The following DTNBP1 variants were observed in gnomAD, a reference collection of about 807,000 sequenced individuals.
DTNBP1 encodes dysbindin.
Under a neutral mutation model 42.8 loss-of-function variants are expected in DTNBP1, and 35 were observed. The observed-to-expected ratio is 0.82, with a 90% CI of 0.63 to 1.09. The LOEUF is 1.09. Among genes scored for constraint, DTNBP1 ranks in the 50% least tolerant of loss-of-function variants. DTNBP1 has a pLI of 0.00. For synonymous variants in DTNBP1, 171 were observed against 162.2 expected, an observed-to-expected ratio of 1.05 and a Z score of -0.41; for missense variants, 457 against 424.2, an observed-to-expected ratio of 1.08 and a Z score of -0.68.
At chr6:15,594,982 G>A (rs1776450398) in intron 6 of DTNBP1, among the ~76,000 whole-genome samples, 1 of 152,132 alleles carries the variant, frequency 6.6e-6, no homozygotes, top group Non-Finnish European at 1.5e-5. Context: ...ATGAGTGAGT[G>A]TGCAATTGAG....
At chr6:15,599,906 A>G (rs1401391629) in intron 6 of DTNBP1, among the ~76,000 whole-genome samples, 1 of 152,124 alleles carries the variant, frequency 6.6e-6, no homozygotes, top group Admixed American at 6.6e-5. Context: ...CCAATTCCTT[A>G]AAGAGCCATC....
intron 1 of DTNBP1, among the ~76,000 whole-genome samples, chr6:15,655,069 A>G (rs1490816108): frequency 1.3e-5 from 2 of 152,072 alleles, no homozygotes; most frequent in Admixed American, 6.6e-5. Flanking sequence ...TCAGCAATGG[A>G]TATATGTGGT....
intron 6 of DTNBP1, among the ~76,000 whole-genome samples, chr6:15,596,050 C>T (rs1035086361): frequency 7.9e-5 from 12 of 151,954 alleles, no homozygotes; most frequent in African/African-American, 1.5e-4. Context: ...GTTGGGGGCA[C>T]GTGGGGAAGA....
intron 6 of DTNBP1, among the ~76,000 whole-genome samples, chr6:15,608,700 A>G (rs1053522099): frequency 1.3e-5 from 2 of 152,238 alleles, no homozygotes; most frequent in Admixed American, 6.5e-5. Flanking sequence ...CTGCCTGGAA[A>G]TGACTTTATT....
intron 3 of DTNBP1, among the ~76,000 whole-genome samples, chr6:15,638,245 A>G (rs1474897443): frequency 6.6e-6 from 1 of 152,014 alleles, no homozygotes; most frequent in Non-Finnish European, 1.5e-5. Flanking sequence ...CTCCTGTCTC[A>G]GCCTCCCGAG....
At position 15,627,463 on chromosome 6, in the gene DTNBP1, C is replaced by T. The variant is rs774245526; in HGVS notation, c.235G>A (p.Glu79Lys). ...CASAGELVDS[E>K]VVMLSAHWEK... Reference sequence around the variant, plus strand: ...CAGTGCGCAGAAAGCATGACCACCTCGCTATCCACCAGCTGCAGCACACAA... The same window carrying T: ...CAGTGCGCAGAAAGCATGACCACCTTGCTATCCACCAGCTGCAGCACACAA... Residue 79 changes from glutamate to lysine, a missense_variant, in exon 5 of 10, where the codon GAG becomes AAG. Coordinates refer to ENST00000344537, the MANE Select transcript of DTNBP1 (RefSeq NM_032122.5). 21 of 1,613,732 alleles carry T rather than the reference C, an allele frequency of 1.3e-5. No individual in the cohort carries two copies. The highest frequency in any genetic ancestry group is 2.7e-5 in the African/African-American group (2 of 74,882).
At chr6:15,567,923 G>A (rs893155810) in intron 7 of DTNBP1, among the ~76,000 whole-genome samples, 3 of 152,050 alleles carry the variant, frequency 2.0e-5, no homozygotes, top group Non-Finnish European at 4.4e-5. Flanking sequence ...AGTAAAATAG[G>A]AACAAGAACA....
chr6:15,565,943 TAC>T (rs977886260), intron 7 of DTNBP1, among the ~76,000 whole-genome samples: 2 of 152,184 alleles, frequency 1.3e-5, no homozygotes, highest in African/African-American at 2.4e-5. Context: ...AGAGGAGAAA[TAC>T]AGAGTACTCT....
chr6:15,651,676 T>C (rs995767095), intron 2 of DTNBP1, among the ~76,000 whole-genome samples: 3 of 152,176 alleles, frequency 2.0e-5, no homozygotes, highest in African/African-American at 7.2e-5. Context: ...TCACATGCTT[T>C]ACTTTATTAA....
intron 7 of DTNBP1, among the ~76,000 whole-genome samples, chr6:15,537,472 T>G (rs1445976165): frequency 6.6e-6 from 1 of 150,962 alleles, no homozygotes; most frequent in East Asian, 1.9e-4. Flanking sequence ...CTGGAATGAG[T>G]TAAGACTTTG....
At chr6:15,657,950 C>A (rs1234070423) in intron 1 of DTNBP1, among the ~76,000 whole-genome samples, 3 of 152,220 alleles carry the variant, frequency 2.0e-5, no homozygotes, top group Non-Finnish European at 2.9e-5. Flanking sequence ...CTCTTTGAAG[C>A]CTTCTGTAAA....
At chr6:15,542,281 AAC>A (rs1773611762) in intron 7 of DTNBP1, among the ~76,000 whole-genome samples, 1 of 152,246 alleles carries the variant, frequency 6.6e-6, no homozygotes, top group African/African-American at 2.4e-5. Flanking sequence ...AACAATTGCC[AAC>A]AGTCTGTCAA....
intron 7 of DTNBP1, among the ~76,000 whole-genome samples, chr6:15,588,510 T>C (rs1211228564): frequency 6.6e-6 from 1 of 152,184 alleles, no homozygotes; most frequent in Non-Finnish European, 1.5e-5. Flanking sequence ...TTTAAAAGGA[T>C]GACATAAAAA....
intron 1 of DTNBP1, 77 bp from the exon 2 acceptor site, chr6:15,652,217 T>C (rs1761041208): frequency 8.1e-7 from 1 of 1,237,886 alleles, no homozygotes; most frequent in Non-Finnish European, 1.1e-6. Context: ...GGTCTCACTC[T>C]GTCGTCCAGG....
rs773097389 is a variant in DTNBP1, at chr6:15,627,485, A to G, written c.223-10T>C. On this transcript the variant is annotated splice_polypyrimidine_tract_variant and intron_variant, in intron 4 of 9. Transcript: ENST00000344537. Reference sequence around the variant, plus strand: ...CCTCGCTATCCACCAGCTGCAGCACACAAGAAGGGGGGTAAAGTGAAACCA... The same window carrying G: ...CCTCGCTATCCACCAGCTGCAGCACGCAAGAAGGGGGGTAAAGTGAAACCA... 1 of 1,613,778 alleles carries G rather than the reference A, an allele frequency of 6.2e-7. No homozygotes were observed. Among genetic ancestry groups the G allele is most frequent in the South Asian group, 1.1e-5 (1 of 91,084 alleles).
At chr6:15,657,761 A>G (rs978881992) in intron 1 of DTNBP1, among the ~76,000 whole-genome samples, 3 of 152,226 alleles carry the variant, frequency 2.0e-5, no homozygotes, top group Admixed American at 2.0e-4. Context: ...CCACATAGTA[A>G]GCACTCAATA....
chr6:15,526,174 C>G (rs578068742), intron 8 of DTNBP1, among the ~76,000 whole-genome samples: 1 of 152,224 alleles, frequency 6.6e-6, no homozygotes, highest in East Asian at 1.9e-4. Flanking sequence ...AAGCAGAGAC[C>G]AAGAAGAAAC....
At chr6:15,628,074 T>C (rs558076273) in intron 4 of DTNBP1, among the ~76,000 whole-genome samples, 21 of 152,308 alleles carry the variant, frequency 1.4e-4, no homozygotes, top group Non-Finnish European at 2.6e-4. Context: ...GGGTTCCTAA[T>C]AGCAAGGTTG....
intron 7 of DTNBP1, among the ~76,000 whole-genome samples, chr6:15,576,965 T>C (rs1384371911): frequency 6.6e-6 from 1 of 152,104 alleles, no homozygotes; most frequent in Non-Finnish European, 1.5e-5. Context: ...AAAAGCCAGA[T>C]AAATGTATGT....
Sources: allele counts gnomAD v4.1 joint callset (sites outside exome capture counted in the v4.1 genomes callset), GRCh38; gene constraint gnomAD v4.1.1; transcripts MANE v1.5; gene names NCBI Gene and HGNC (gene_info 2026-07-23, HGNC 2026-07-21).